The following GNA12 variants were observed in gnomAD, a reference collection of about 807,000 sequenced individuals.
The protein encoded by GNA12 is G protein subunit alpha 12.
GNA12 carries 9 observed loss-of-function variants against 26.0 expected under a neutral mutation model. The ratio of observed to expected loss-of-function variants is 0.35; its 90% confidence interval spans 0.21 to 0.60. The LOEUF is 0.60. Among genes scored for constraint, GNA12 ranks in the 20% least tolerant of loss-of-function variants. The probability of loss-of-function intolerance (pLI) is 0.78; values close to 1 mark genes in which losing one functional copy is unlikely to be tolerated. For synonymous variants in GNA12, 264 were observed against 219.6 expected (o/e 1.20, Z -1.79); for missense variants, 405 against 525.8 (o/e 0.77, Z 2.25).
chr7:2,812,859 C>T (rs1305894920), intron 1 of GNA12, among the ~76,000 whole-genome samples: 3 of 152,112 alleles, frequency 2.0e-5, no homozygotes, highest in Non-Finnish European at 2.9e-5. Flanking sequence ...AGTTATTTGG[C>T]CCCTTTTTTG....
At chr7:2,791,911 C>G (rs1209424773) in intron 2 of GNA12, among the ~76,000 whole-genome samples, 1 of 152,136 alleles carries the variant, frequency 6.6e-6, no homozygotes, top group African/African-American at 2.4e-5. Flanking sequence ...ATAGGAATAA[C>G]AGTCATGCAC....
rs116807682 is a variant in GNA12 at position 2,740,278 on chromosome 7, C to A, written c.526-6777G>T. On this transcript the variant is annotated intron_variant, in intron 2 of 3. Transcript: ENST00000275364. ...CCAGAATTCCCATGTGGAAGCCCTA[C>A]CTGCAGTGTGATGGTATTTGGAGAT... 5.3e-3 allele frequency among the ~76,000 whole-genome samples: 807 copies of A among 152,234 alleles called. 8 individuals carry two copies. Among genetic ancestry groups the A allele is most frequent in the African/African-American group, 0.018 (749 of 41,528 alleles).
At chr7:2,782,785 C>T (rs2115438113) in intron 2 of GNA12, among the ~76,000 whole-genome samples, 1 of 152,178 alleles carries the variant, frequency 6.6e-6, no homozygotes, top group African/African-American at 2.4e-5. Flanking sequence ...GTTAAACGTG[C>T]ATTACACCTT....
intron 2 of GNA12, among the ~76,000 whole-genome samples, chr7:2,770,217 C>T (rs1473119219): frequency 5.9e-5 from 9 of 152,196 alleles, no homozygotes; most frequent in Non-Finnish European, 1.0e-4. Flanking sequence ...CCATATGCCC[C>T]ACTTGCCCTG....
chr7:2,800,560 A>G (rs1562435281), intron 1 of GNA12, among the ~76,000 whole-genome samples: 1 of 152,212 alleles, frequency 6.6e-6, no homozygotes, highest in Non-Finnish European at 1.5e-5. Flanking sequence ...CTGTGAACCT[A>G]TACTTATTTC....
intron 2 of GNA12, among the ~76,000 whole-genome samples, chr7:2,739,573 G>A (rs542574673): frequency 2.2e-4 from 34 of 152,250 alleles, no homozygotes; most frequent in African/African-American, 6.5e-4. Context: ...GTTTTTGGCC[G>A]TTGTGAACAG....
At chr7:2,772,065 G>C (rs1022334380) in intron 2 of GNA12, among the ~76,000 whole-genome samples, 1 of 152,178 alleles carries the variant, frequency 6.6e-6, no homozygotes, top group African/African-American at 2.4e-5. Flanking sequence ...ATTTGCTTCA[G>C]GAATCTCTTC....
chr7:2,803,422 TA>T (rs913658194), intron 1 of GNA12, among the ~76,000 whole-genome samples: 3 of 152,112 alleles, frequency 2.0e-5, no homozygotes, highest in Non-Finnish European at 4.4e-5. Context: ...AAGGAGCAGC[TA>T]AAGCAGGAGA....
At chr7:2,842,065 A>AAGGAAGAAAAGGAAGGC (rs1779006350) in intron 1 of GNA12, among the ~76,000 whole-genome samples, 1 of 148,346 alleles carries the variant, frequency 6.7e-6, no homozygotes, top group Admixed American at 6.7e-5. Context: ...GGTAGAAAGA[A>AAGGAAGAAAAGGAAGGC]AGGAAGAAAA....
intron 1 of GNA12, among the ~76,000 whole-genome samples, chr7:2,808,041 G>C (rs997376198): frequency 1.3e-5 from 2 of 152,228 alleles, no homozygotes; most frequent in Admixed American, 6.5e-5. Context: ...GCTTAATGAA[G>C]TCCTGCTCTG....
intron 2 of GNA12, among the ~76,000 whole-genome samples, chr7:2,794,230 T>A (rs919208722): frequency 6.6e-6 from 1 of 152,200 alleles, no homozygotes; most frequent in African/African-American, 2.4e-5. Flanking sequence ...AACTTGACTC[T>A]GGGTGCTAAG....
In GNA12 at chr7:2,792,476, C is replaced by T. The variant is rs567562284; in HGVS notation, c.525+2452G>A. Among the ~76,000 whole-genome samples, 58 of 152,318 alleles carry T rather than the reference C, an allele frequency of 3.8e-4. 2 individuals are homozygous for T. The South Asian group carries it at 4.3e-3, about 11-fold the overall frequency. ...GCCTGTCAAAGCTGCTGCACCATGC[C>T]GAATCCCAGACAGAAGCCTCACTCA... is the stretch of plus-strand genomic sequence containing the variant. On this transcript the variant is annotated intron_variant, in intron 2 of 3. Transcript: ENST00000275364.
At chr7:2,764,252 T>C (rs770159969) in intron 2 of GNA12, among the ~76,000 whole-genome samples, 54 of 151,798 alleles carry the variant, frequency 3.6e-4, no homozygotes, top group South Asian at 1.0e-3. Context: ...TTCTTTTTTT[T>C]TTTTTTTTTT....
chr7:2,733,523 C>T, intron 2 of GNA12, 22 bp from the exon 3 acceptor site: 1 of 1,603,552 alleles, frequency 6.2e-7, no homozygotes, highest in African/African-American at 1.3e-5. Flanking sequence ...GAAGAATATT[C>T]ACAGCTCAGT....
At chr7:2,769,471 C>T (rs1342124039) in intron 2 of GNA12, among the ~76,000 whole-genome samples, 1 of 151,760 alleles carries the variant, frequency 6.6e-6, no homozygotes, top group Non-Finnish European at 1.5e-5. Flanking sequence ...TGGCTCATGT[C>T]TGTAATCCCA....
chr7:2,783,591 T>C (rs927645089), intron 2 of GNA12, among the ~76,000 whole-genome samples: 2 of 152,178 alleles, frequency 1.3e-5, no homozygotes, highest in African/African-American at 4.8e-5. Flanking sequence ...CACCAGGCTC[T>C]TGTAAGGTTT....
intron 2 of GNA12, among the ~76,000 whole-genome samples, chr7:2,753,505 G>A (rs956857771): frequency 1.3e-5 from 2 of 152,160 alleles, no homozygotes; most frequent in African/African-American, 2.4e-5. Context: ...TCACACTGTT[G>A]CATCTGTCAG....
chr7:2,745,937 T>C (rs1790742707), intron 2 of GNA12, among the ~76,000 whole-genome samples: 1 of 152,090 alleles, frequency 6.6e-6, no homozygotes, highest in Non-Finnish European at 1.5e-5. Flanking sequence ...CATTACATAA[T>C]GGTAAAGCGA....
chr7:2,815,649 C>T (rs1038235933), intron 1 of GNA12, among the ~76,000 whole-genome samples: 2 of 152,224 alleles, frequency 1.3e-5, no homozygotes, highest in African/African-American at 4.8e-5. Flanking sequence ...AAACCACAAT[C>T]GAGGCTCTTG....
Sources: gnomAD v4.1 joint callset for allele counts (sites outside exome capture counted in the v4.1 genomes callset) on GRCh38, gnomAD v4.1.1 for gene constraint, MANE v1.5 for transcripts, NCBI Gene and HGNC (gene_info 2026-07-23, HGNC 2026-07-21) for gene names.